Variants in RHCE observed in about 807,000 individuals in gnomAD.
RHCE encodes blood group Rh(CE) polypeptide.
Under a neutral mutation model 43.8 loss-of-function variants are expected in RHCE, and 22 were observed. The ratio of observed to expected loss-of-function variants is 0.50; its 90% CI spans 0.36 to 0.72. The LOEUF is 0.72. RHCE is among the 30% of genes least tolerant of loss of function. RHCE has a pLI of 0.00. For synonymous variants in RHCE, 156 were observed against 210.7 expected (o/e 0.74, Z 2.25); for missense variants, 385 against 525.4 (o/e 0.73, Z 2.61).
upstream of RHCE, chr1:25,420,945 A>G: frequency 6.9e-7 from 1 of 1,445,912 alleles, no homozygotes; most frequent in Non-Finnish European, 9.4e-7. Flanking sequence ...TGGAGTTAAC[A>G]CGGAAGCAGA....
At chr1:25,395,266 C>T (rs1646502154) in intron 3 of RHCE, among the ~76,000 whole-genome samples, 1 of 146,340 alleles carries the variant, frequency 6.8e-6, no homozygotes, top group Admixed American at 6.9e-5. Context: ...AGAATTGAGA[C>T]TAACTGAGAG....
At chr1:25,417,953 G>A (rs916933111) in intron 1 of RHCE, among the ~76,000 whole-genome samples, 9 of 152,082 alleles carry the variant, frequency 5.9e-5, no homozygotes, top group African/African-American at 1.2e-4. Context: ...TTTACTATTC[G>A]GACCTCAGAC....
At chr1:25,384,571 C>T (rs1646093347) in intron 7 of RHCE, among the ~76,000 whole-genome samples, 1 of 152,162 alleles carries the variant, frequency 6.6e-6, no homozygotes, top group Non-Finnish European at 1.5e-5. Flanking sequence ...ATTACAGAGG[C>T]ACCTTGCTTC....
At chr1:25,378,545 T>C (rs1190486573) in intron 7 of RHCE, among the ~76,000 whole-genome samples, 1 of 152,250 alleles carries the variant, frequency 6.6e-6, no homozygotes. Flanking sequence ...GCCACACTAA[T>C]GGCCAAAGTT....
At chr1:25,368,978 C>G (rs1330190636) in intron 9 of RHCE, among the ~76,000 whole-genome samples, 2 of 151,748 alleles carry the variant, frequency 1.3e-5, no homozygotes, top group African/African-American at 4.9e-5. Context: ...CCAGGCTGGT[C>G]TCAAACTCCT....
chr1:25,415,466 A>C (rs1647323878), intron 1 of RHCE, among the ~76,000 whole-genome samples: 1 of 152,186 alleles, frequency 6.6e-6, no homozygotes, highest in Non-Finnish European at 1.5e-5. Context: ...CAGCCTGACC[A>C]ACATGGAGAA....
chr1:25,371,087 A>T (rs1159238654), intron 8 of RHCE, among the ~76,000 whole-genome samples: 1 of 150,512 alleles, frequency 6.6e-6, no homozygotes, highest in East Asian at 1.9e-4. Flanking sequence ...TTTTTTGAAA[A>T]AAAGAACTGG....
intron 1 of RHCE, among the ~76,000 whole-genome samples, chr1:25,414,549 G>T (rs1647230225): frequency 6.6e-6 from 1 of 152,118 alleles, no homozygotes. Flanking sequence ...AAGCTGCAGT[G>T]TGGAAGGTGC....
At chr1:25,383,260 C>T (rs1475752778) in intron 7 of RHCE, among the ~76,000 whole-genome samples, 1 of 152,236 alleles carries the variant, frequency 6.6e-6, no homozygotes, top group African/African-American at 2.4e-5. Flanking sequence ...CAGCATCTGA[C>T]TCAGTCACAT....
chr1:25,416,820 G>C (rs1289455911), intron 1 of RHCE, among the ~76,000 whole-genome samples: 2 of 27,644 alleles, frequency 7.2e-5, no homozygotes, highest in Admixed American at 6.3e-4. Context: ...TAGAGATGGC[G>C]GGGGGGGGTC....
At chr1:25,382,105 C>T (rs1263591507) in intron 7 of RHCE, among the ~76,000 whole-genome samples, 1 of 151,066 alleles carries the variant, frequency 6.6e-6, no homozygotes, top group Non-Finnish European at 1.5e-5. Flanking sequence ...TCAGATTTCT[C>T]TTTCTCTTCT....
At position 25,362,298 on chromosome 1, in the gene RHCE, G is replaced by T; in HGVS notation, c.*229C>A. 1 of 940,908 alleles carries T rather than the reference G, an allele frequency of 1.1e-6. No individual in the cohort carries two copies. Among genetic ancestry groups the T allele is most frequent in the Non-Finnish European group, 1.6e-6 (1 of 633,900 alleles). 58.3% of individuals were successfully genotyped at this position (940,908 alleles called of 1,614,324 possible). ...ATGTGTCTGTAACCAAGAAAATATT[G>T]ATAGCATCATCCTAATGAAACTAAA... On this transcript the variant is annotated 3_prime_UTR_variant, in exon 10 of 10. Transcript: ENST00000294413.
chr1:25,393,732 C>A (rs1299130952), intron 3 of RHCE, among the ~76,000 whole-genome samples: 1 of 151,998 alleles, frequency 6.6e-6, no homozygotes, highest in Admixed American at 6.6e-5. Context: ...CACGACCCTG[C>A]AGGATCCACT....
chr1:25,418,834 C>G (rs749068129), intron 1 of RHCE, among the ~76,000 whole-genome samples: 4 of 152,322 alleles, frequency 2.6e-5, no homozygotes, highest in Middle Eastern at 3.4e-3. Context: ...CTCCTCTGAG[C>G]TTCCATATAA....
chr1:25,412,715 T>TAAAAAA (rs1165784820), intron 1 of RHCE, among the ~76,000 whole-genome samples: 1 of 116,578 alleles, frequency 8.6e-6, no homozygotes, highest in Non-Finnish European at 1.7e-5. Flanking sequence ...ACCCTTTTTT[T>TAAAAAA]AAAAAAAAAA....
intron 2 of RHCE, among the ~76,000 whole-genome samples, chr1:25,427,786 G>A (rs1473920532): frequency 6.6e-6 from 1 of 152,216 alleles, no homozygotes; most frequent in East Asian, 1.9e-4. Flanking sequence ...ATGTGACCTT[G>A]TTTCCTCTCA....
At chr1:25,399,687 A>T (rs1437487640) in intron 3 of RHCE, among the ~76,000 whole-genome samples, 1 of 152,214 alleles carries the variant, frequency 6.6e-6, no homozygotes, top group Admixed American at 6.5e-5. Flanking sequence ...CGATGGTTAC[A>T]TATACTAGGG....
intron 6 of RHCE, among the ~76,000 whole-genome samples, chr1:25,388,620 ATAGAG>A (rs1646258074): frequency 6.6e-6 from 1 of 152,230 alleles, no homozygotes; most frequent in Non-Finnish European, 1.5e-5. Context: ...AAGCAGGTCT[ATAGAG>A]TAAGAATAAA....
rs191460736 is a variant in RHCE at position 25,406,336 on chromosome 1, G to A, written c.335+2347C>T. On this transcript the variant is annotated intron_variant, in intron 2 of 9. Transcript: ENST00000294413. ...TTTTGTTTTGTTTTGTTTTTGAGAC[G>A]GAGCCTCACTCTGTCGCCCAGGCTA... Among the ~76,000 whole-genome samples, 21 of 120,352 alleles carry A rather than the reference G, an allele frequency of 1.7e-4. 1 individual carries two copies. Among genetic ancestry groups the A allele is most frequent in the African/African-American group, 5.1e-4 (20 of 39,168 alleles). The allele number at this position is 120,352 out of a possible 152,430, so 79.0% of individuals were successfully genotyped here.
Sources: allele counts gnomAD v4.1 joint callset (sites outside exome capture counted in the v4.1 genomes callset), GRCh38; gene constraint gnomAD v4.1.1; transcripts MANE v1.5; gene names NCBI Gene and HGNC (gene_info 2026-07-23, HGNC 2026-07-21).